Variants in PDE4D observed in about 807,000 individuals in gnomAD.
PDE4D encodes phosphodiesterase 4D.
A neutral mutation model predicts 87.4 loss-of-function variants in PDE4D; 24 were observed. The ratio of observed to expected loss-of-function variants is 0.27; its 90% CI spans 0.20 to 0.39. The LOEUF is 0.39. Among genes scored for constraint, PDE4D ranks in the 10% least tolerant of loss-of-function variants. The probability of loss-of-function intolerance (pLI) is 1.00; values close to 1 mark genes in which losing one functional copy is unlikely to be tolerated. For synonymous variants in PDE4D, 384 were observed against 383.2 expected (o/e 1.00, Z -0.02); for missense variants, 714 against 1,041.0 (o/e 0.69, Z 4.32).
At chr5:59,670,113 G>A (rs1746945864) in intron 1 of PDE4D, among the ~76,000 whole-genome samples, 1 of 152,158 alleles carries the variant, frequency 6.6e-6, no homozygotes, top group Non-Finnish European at 1.5e-5. Flanking sequence ...CATTATGGTA[G>A]AGTACAGACT....
chr5:60,103,592 C>A (rs763110412), intron 2 of PDE4D, among the ~76,000 whole-genome samples: 1 of 151,998 alleles, frequency 6.6e-6, no homozygotes, highest in South Asian at 2.1e-4. Context: ...TGTTGGTCCT[C>A]CAGAACTTCA....
At chr5:60,208,863 C>G (rs537050353) in intron 1 of PDE4D, among the ~76,000 whole-genome samples, 5 of 152,104 alleles carry the variant, frequency 3.3e-5, no homozygotes, top group Non-Finnish European at 5.9e-5. Flanking sequence ...AAGTTGCCAA[C>G]AAGGGCAAGG....
intron 1 of PDE4D, among the ~76,000 whole-genome samples, chr5:59,474,318 CCT>C (rs1392563363): frequency 1.3e-5 from 2 of 151,948 alleles, no homozygotes; most frequent in African/African-American, 4.8e-5. Context: ...AGACTCAAAC[CCT>C]CTTTTTCTGC....
chr5:59,554,549 A>T (rs182015313), intron 1 of PDE4D, among the ~76,000 whole-genome samples: 209 of 152,314 alleles, frequency 1.4e-3, no homozygotes, highest in Non-Finnish European at 2.2e-3. Context: ...AATATCTAAA[A>T]TCAAGTCCAA....
chr5:60,256,154 C>T (rs1479667917), intron 1 of PDE4D, among the ~76,000 whole-genome samples: 1 of 151,834 alleles, frequency 6.6e-6, no homozygotes, highest in Non-Finnish European at 1.5e-5. Context: ...TTTGCTGTTG[C>T]TCCAGGTGGC....
chr5:60,238,895 A>C (rs1462066613), intron 1 of PDE4D, among the ~76,000 whole-genome samples: 1 of 151,954 alleles, frequency 6.6e-6, no homozygotes, highest in African/African-American at 2.4e-5. Flanking sequence ...TAACCCACTT[A>C]TGCCTGAGGT....
At chr5:60,469,416 T>C (rs1747649886) in intron 1 of PDE4D, among the ~76,000 whole-genome samples, 1 of 152,194 alleles carries the variant, frequency 6.6e-6, no homozygotes, top group Non-Finnish European at 1.5e-5. Flanking sequence ...GCTTCTCTCT[T>C]AGTGACTGCA....
Position 59,303,229 on chromosome 5 carries a change from T to A in PDE4D, c.456-87261A>T, listed in dbSNP as rs141020825. On this transcript the variant is annotated intron_variant, in intron 1 of 14. Transcript: ENST00000340635. ...CTCATGCCCTTAGCCTACTTTTTGATGGGATTGTTTGTTTTTTTCTTACTG... is the reference window on the plus strand; with the variant it reads ...CTCATGCCCTTAGCCTACTTTTTGAAGGGATTGTTTGTTTTTTTCTTACTG... 2.3e-3 allele frequency among the ~76,000 whole-genome samples: 354 copies of A among 152,282 alleles called. 1 individual carries two copies. Among genetic ancestry groups the A allele is most frequent in the African/African-American group, 8.2e-3 (341 of 41,558 alleles).
At chr5:59,357,031 C>A in intron 1 of PDE4D, 1 of 571,166 alleles carries the variant, frequency 1.8e-6, no homozygotes, top group Non-Finnish European at 2.7e-6. Flanking sequence ...GAAGGGATGG[C>A]CAGGACTTCC....
chr5:59,893,157 T>A lies in PDE4D; in HGVS notation c.455+11A>T, dbSNP rs376782858. The A allele has an allele frequency of 4.7e-5, 73 of 1,551,498 alleles. No individual in the cohort carries two copies. The African/African-American group carries it at 9.4e-4, about 20-fold the overall frequency. ...TTTGCCTGAATGGGGGAGGGGGCGCTCTCCACTCACCGCCTGAGTCCCTGG... is the reference window on the plus strand; with the variant it reads ...TTTGCCTGAATGGGGGAGGGGGCGCACTCCACTCACCGCCTGAGTCCCTGG... On this transcript the variant is annotated intron_variant, in intron 1 of 14. Coordinates refer to ENST00000340635, the MANE Select transcript of PDE4D (RefSeq NM_001104631.2).
intron 1 of PDE4D, among the ~76,000 whole-genome samples, chr5:59,754,731 T>C (rs1431557335): frequency 2.0e-5 from 3 of 151,824 alleles, no homozygotes; most frequent in African/African-American, 4.8e-5. Context: ...AAAACACCCA[T>C]GTTTACACTC....
intron 5 of PDE4D, among the ~76,000 whole-genome samples, chr5:59,117,879 C>T (rs901930912): frequency 1.1e-4 from 16 of 150,642 alleles, no homozygotes; most frequent in Admixed American, 4.7e-4. Context: ...TGCTAGCATA[C>T]CACACAATAG....
intron 1 of PDE4D, among the ~76,000 whole-genome samples, chr5:59,249,950 C>A (rs1251998178): frequency 6.6e-6 from 1 of 151,902 alleles, no homozygotes; most frequent in Non-Finnish European, 1.5e-5. Flanking sequence ...TGAACACAAT[C>A]CTCCCACCTC....
chr5:59,393,677 A>T lies in PDE4D; in HGVS notation c.456-177709T>A, dbSNP rs74518686. On this transcript the variant is annotated intron_variant, in intron 1 of 14. Transcript: ENST00000340635. ...AATATACTTTGTGAATCCTCTGAGAAAAAAGAAAGTAGTTTGATCTGCTGG... is the reference window on the plus strand; with the variant it reads ...AATATACTTTGTGAATCCTCTGAGATAAAAGAAAGTAGTTTGATCTGCTGG... 3.0e-3 allele frequency among the ~76,000 whole-genome samples: 463 copies of T among 152,326 alleles called. 1 individual carries two copies. The highest frequency in any genetic ancestry group is 0.011 in the African/African-American group (450 of 41,572).
At chr5:59,353,457 A>G (rs1481874191) in intron 1 of PDE4D, among the ~76,000 whole-genome samples, 2 of 151,450 alleles carry the variant, frequency 1.3e-5, no homozygotes, top group Non-Finnish European at 2.9e-5. Flanking sequence ...TCTCTATAAT[A>G]CTTGGGAGGG....
chr5:60,093,179 GA>G (rs550813254), intron 2 of PDE4D, among the ~76,000 whole-genome samples: 51 of 152,326 alleles, frequency 3.3e-4, no homozygotes, highest in African/African-American at 1.1e-3. Context: ...AAAGATGCAT[GA>G]AGCACATATT....
chr5:59,144,642 G>A (rs1465615277), intron 5 of PDE4D, among the ~76,000 whole-genome samples: 3 of 152,172 alleles, frequency 2.0e-5, no homozygotes, highest in Non-Finnish European at 4.4e-5. Context: ...GATGAAGTCT[G>A]TAGTTTATAT....
intron 1 of PDE4D, among the ~76,000 whole-genome samples, chr5:60,518,413 G>C (rs750381586): frequency 2.6e-5 from 4 of 152,190 alleles, no homozygotes; most frequent in Non-Finnish European, 5.9e-5. Context: ...TGCAAGTGAA[G>C]CAGATGAGGC....
intron 1 of PDE4D, among the ~76,000 whole-genome samples, chr5:59,752,886 G>A (rs904646915): frequency 1.3e-5 from 2 of 152,142 alleles, no homozygotes; most frequent in African/African-American, 4.8e-5. Flanking sequence ...ATGCTTAGAT[G>A]CCATGTTAAA....
Sources: allele counts gnomAD v4.1 joint callset (sites outside exome capture counted in the v4.1 genomes callset), GRCh38; gene constraint gnomAD v4.1.1; transcripts MANE v1.5; gene names NCBI Gene and HGNC (gene_info 2026-07-23, HGNC 2026-07-21).